Variants in IQCJ observed in about 807,000 individuals in gnomAD.
IQCJ encodes the protein IQ domain-containing protein J.
In IQCJ, 9 loss-of-function variants were observed where a neutral mutation model predicts 11.0. That is an observed-to-expected ratio of 0.82 (90% CI 0.49 to 1.43). The LOEUF (loss-of-function observed/expected upper bound fraction) is 1.43, where lower values mean the gene tolerates loss of function less well. IQCJ is among the 40% of genes most tolerant of loss of function. IQCJ has a pLI of 0.00. For synonymous variants in IQCJ, 55 were observed against 51.3 expected (o/e 1.07, Z -0.31); for missense variants, 146 against 133.2 (o/e 1.10, Z -0.47).
intron 1 of IQCJ, among the ~76,000 whole-genome samples, chr3:159,231,837 C>T (rs1453856749): frequency 6.6e-6 from 1 of 152,152 alleles, no homozygotes; most frequent in African/African-American, 2.4e-5. Context: ...AGGGATGTGA[C>T]TTCTTCCTGA....
At chr3:159,158,884 G>C (rs912273933) in intron 1 of IQCJ, among the ~76,000 whole-genome samples, 3 of 152,090 alleles carry the variant, frequency 2.0e-5, no homozygotes, top group African/African-American at 7.2e-5. Flanking sequence ...GTTTTAATCA[G>C]GTATGGTAAG....
At chr3:159,261,370 C>T (rs77677547) in intron 3 of IQCJ, among the ~76,000 whole-genome samples, 4,825 of 152,242 alleles carry the variant, frequency 0.032, 233 homozygotes, top group African/African-American at 0.11. Flanking sequence ...ATGTTAATCT[C>T]AAAGATCACA....
chr3:159,198,016 T>A (rs143416739), intron 1 of IQCJ, among the ~76,000 whole-genome samples: 2 of 152,318 alleles, frequency 1.3e-5, no homozygotes, highest in Non-Finnish European at 2.9e-5. Context: ...GGTTGTTTTC[T>A]CCTCCATGTA....
intron 1 of IQCJ, among the ~76,000 whole-genome samples, chr3:159,218,220 A>G (rs1359609346): frequency 6.6e-6 from 1 of 152,066 alleles, no homozygotes; most frequent in East Asian, 1.9e-4. Flanking sequence ...ATTCAAGGTC[A>G]AACAGCTAGC....
chr3:159,089,475 A>T (rs1188282443), intron 1 of IQCJ, among the ~76,000 whole-genome samples: 1 of 151,842 alleles, frequency 6.6e-6, no homozygotes, highest in Admixed American at 6.5e-5. Flanking sequence ...CTGCCTTGCT[A>T]GATTGGGGAA....
intron 1 of IQCJ, among the ~76,000 whole-genome samples, chr3:159,227,109 A>G (rs544773177): frequency 1.3e-5 from 2 of 152,232 alleles, no homozygotes; most frequent in Non-Finnish European, 2.9e-5. Context: ...GAAAACCTCC[A>G]AATGATCCAG....
intron 1 of IQCJ, among the ~76,000 whole-genome samples, chr3:159,197,135 G>A (rs1425942310): frequency 6.6e-6 from 1 of 152,166 alleles, no homozygotes; most frequent in Admixed American, 6.5e-5. Context: ...ATTAGGCAGA[G>A]ATAAAAATAT....
chr3:159,203,171 T>C (rs1470663432), intron 1 of IQCJ, among the ~76,000 whole-genome samples: 2 of 149,426 alleles, frequency 1.3e-5, no homozygotes, highest in Non-Finnish European at 3.0e-5. Flanking sequence ...GCTCCTGGTG[T>C]CATTGGAGGA....
chr3:159,133,951 C>G (rs1414704872), intron 1 of IQCJ, among the ~76,000 whole-genome samples: 1 of 151,668 alleles, frequency 6.6e-6, no homozygotes, highest in Admixed American at 6.6e-5. Context: ...AGGTATCCAC[C>G]AGGCTGTTTT....
intron 1 of IQCJ, among the ~76,000 whole-genome samples, chr3:159,160,300 A>G (rs2108217683): frequency 6.6e-6 from 1 of 151,736 alleles, no homozygotes; most frequent in Non-Finnish European, 1.5e-5. Flanking sequence ...ACATAATTCT[A>G]TTATTATTTT....
intron 1 of IQCJ, among the ~76,000 whole-genome samples, chr3:159,129,746 T>G (rs180748106): frequency 3.9e-5 from 6 of 152,214 alleles, no homozygotes; most frequent in Non-Finnish European, 5.9e-5. Context: ...TTATCCCTGA[T>G]GTAGATTCAT....
At chr3:159,232,836 T>C (rs1038273196) in intron 1 of IQCJ, among the ~76,000 whole-genome samples, 8 of 152,114 alleles carry the variant, frequency 5.3e-5, no homozygotes, top group Non-Finnish European at 8.8e-5. Flanking sequence ...TCTCCCACTA[T>C]TGTTGTGTGG....
chr3:159,069,549 C>A, intron 1 of IQCJ, 108 bp downstream of exon 1: 1 of 1,460,584 alleles, frequency 6.8e-7, no homozygotes, highest in South Asian at 1.4e-5. Context: ...CAAAAAATGT[C>A]AAAAAGAGCT....
rs73031425 is a variant in IQCJ, at chr3:159,237,324, C to A, written c.10-8519C>A. On this transcript the variant is annotated intron_variant, in intron 1 of 3. Coordinates refer to ENST00000397832, the MANE Select transcript of IQCJ (RefSeq NM_001042706.3). ...ACCAGAACAGTGTTTTATTATTGGG[C>A]AGGTCAAGGAGCTGACTAAGCAGCC... 5.2e-3 allele frequency among the ~76,000 whole-genome samples: 799 copies of A among 152,280 alleles called. 8 individuals carry two copies. Among genetic ancestry groups the A allele is most frequent in the African/African-American group, 0.018 (752 of 41,564 alleles).
At chr3:159,173,362 A>G (rs968463155) in intron 1 of IQCJ, among the ~76,000 whole-genome samples, 1 of 152,196 alleles carries the variant, frequency 6.6e-6, no homozygotes, top group Non-Finnish European at 1.5e-5. Context: ...ATATATCTTC[A>G]AAGTGTTTTC....
Position 159,071,282 on chromosome 3 carries a change from A to G in IQCJ, c.9+1841A>G, listed in dbSNP as rs1576982589. 3.3e-5 allele frequency among the ~76,000 whole-genome samples: 5 copies of G among 152,136 alleles called. 1 individual carries two copies. The Middle Eastern group carries it at 0.014, about 417-fold the overall frequency. Reference sequence around the variant, plus strand: ...CAGCATATTATATTAGGAGCCATTAAAAATCTGTGTAGGCTATTAATGTTA... The same window carrying G: ...CAGCATATTATATTAGGAGCCATTAGAAATCTGTGTAGGCTATTAATGTTA... On this transcript the variant is annotated intron_variant, in intron 1 of 3. Coordinates refer to ENST00000397832, the MANE Select transcript of IQCJ (RefSeq NM_001042706.3).
chr3:159,247,953 C>T (rs1727367437), intron 2 of IQCJ, among the ~76,000 whole-genome samples: 1 of 152,140 alleles, frequency 6.6e-6, no homozygotes, highest in South Asian at 2.1e-4. Context: ...TGTGCTGAGC[C>T]CCAGTAGCTG....
At chr3:159,090,377 G>A (rs763911010) in intron 1 of IQCJ, among the ~76,000 whole-genome samples, 3 of 151,800 alleles carry the variant, frequency 2.0e-5, no homozygotes, top group Non-Finnish European at 2.9e-5. Flanking sequence ...CGTCGCTCAC[G>A]CTGGGAGCTG....
chr3:159,179,870 A>G (rs1722994765), intron 1 of IQCJ, among the ~76,000 whole-genome samples: 1 of 152,200 alleles, frequency 6.6e-6, no homozygotes. Context: ...TGCCATGGCC[A>G]TGACTCTGTG....
Sources: allele counts gnomAD v4.1 joint callset (sites outside exome capture counted in the v4.1 genomes callset), GRCh38; gene constraint gnomAD v4.1.1; transcripts MANE v1.5; gene names NCBI Gene and HGNC (gene_info 2026-07-23, HGNC 2026-07-21).